The following CTIF variants were observed in gnomAD, a reference collection of about 807,000 sequenced individuals.
The protein encoded by CTIF is cap binding complex dependent translation initiation factor, also known as CBP80/20-dependent translation initiation factor.
CTIF carries 21 observed loss-of-function variants against 66.0 expected under a neutral mutation model. That is an observed-to-expected ratio of 0.32 (90% CI 0.23 to 0.46). The LOEUF (loss-of-function observed/expected upper bound fraction) is 0.46. Ranked by LOEUF, CTIF falls within the 20% of genes least tolerant of loss-of-function variation. CTIF has a pLI of 1.00. For synonymous variants in CTIF, 345 were observed against 326.4 expected (o/e 1.06, Z -0.62); for missense variants, 739 against 812.7 (o/e 0.91, Z 1.10).
intron 10 of CTIF, among the ~76,000 whole-genome samples, chr18:48,821,650 G>A (rs2068485370): frequency 6.6e-6 from 1 of 152,244 alleles, no homozygotes; most frequent in African/African-American, 2.4e-5. Context: ...TTTTCAATGT[G>A]TGCTTTTCTT....
chr18:48,622,507 C>T (rs1267581133), intron 2 of CTIF, among the ~76,000 whole-genome samples: 1 of 151,980 alleles, frequency 6.6e-6, no homozygotes, highest in African/African-American at 2.4e-5. Context: ...GAGAAAAGTC[C>T]TTGAGGAATG....
At chr18:48,584,955 G>C (rs1430999411) in intron 1 of CTIF, among the ~76,000 whole-genome samples, 1 of 152,208 alleles carries the variant, frequency 6.6e-6, no homozygotes, top group Non-Finnish European at 1.5e-5. Context: ...TCCAAGTAAA[G>C]GTGATTTCCA....
chr18:48,686,663 C>T (rs1286761549), intron 6 of CTIF, among the ~76,000 whole-genome samples: 1 of 152,138 alleles, frequency 6.6e-6, no homozygotes, highest in Non-Finnish European at 1.5e-5. Context: ...AGTGTAGTTT[C>T]CTGGCTATGT....
At chr18:48,609,646 A>G (rs1182555085) in intron 1 of CTIF, among the ~76,000 whole-genome samples, 5 of 152,126 alleles carry the variant, frequency 3.3e-5, no homozygotes, top group Non-Finnish European at 7.3e-5. Context: ...CATAAGCATG[A>G]TGTCACCCTA....
chr18:48,798,322 A>G (rs7229752), intron 9 of CTIF, among the ~76,000 whole-genome samples: 6,982 of 152,298 alleles, frequency 0.046, 510 homozygotes, highest in African/African-American at 0.16. Context: ...TGCTGCCATC[A>G]CAACTGAAGC....
At position 48,653,746 on chromosome 18, in the gene CTIF, C is replaced by T. The variant is rs191773028; in HGVS notation, c.253-10006C>T. Among the ~76,000 whole-genome samples, 80 of 152,306 alleles carry T rather than the reference C, an allele frequency of 5.3e-4. No homozygotes were observed. The South Asian group carries it at 7.9e-3, about 15-fold the overall frequency. On this transcript the variant is annotated intron_variant, in intron 3 of 11. Transcript: ENST00000256413. ...AACTATGCTGCAAGGCTACAGTAAC[C>T]AAAACAGCATTGCACTGGTACCAAA...
intron 1 of CTIF, among the ~76,000 whole-genome samples, chr18:48,616,818 C>A (rs2090408850): frequency 6.6e-6 from 1 of 152,162 alleles, no homozygotes; most frequent in South Asian, 2.1e-4. Flanking sequence ...GCCTTCTGTG[C>A]ATATAAGGAC....
intron 1 of CTIF, among the ~76,000 whole-genome samples, chr18:48,571,630 T>G (rs1377721710): frequency 6.6e-6 from 1 of 152,230 alleles, no homozygotes; most frequent in African/African-American, 2.4e-5. Flanking sequence ...CAGCACATAG[T>G]GATCCTCCTT....
Position 48,859,330 on chromosome 18 carries a change from ATC to A in CTIF, c.1582-10_1582-9del, listed in dbSNP as rs2069404145. 2 of 1,613,084 alleles carry A rather than the reference ATC, an allele frequency of 1.2e-6. No homozygotes were observed. Among genetic ancestry groups the A allele is most frequent in the Middle Eastern group, 1.7e-4 (1 of 5,992 alleles). On this transcript the variant is annotated splice_polypyrimidine_tract_variant and intron_variant, in intron 11 of 11. Coordinates refer to ENST00000256413, the MANE Select transcript of CTIF (RefSeq NM_014772.3). Reference sequence around the variant, plus strand: ...GGACCCGAGGCCATCCTAACCCCACATCTCTGTCTGCAGCTGCAGAGTACAGG... The same window carrying A: ...GGACCCGAGGCCATCCTAACCCCACATCTGTCTGCAGCTGCAGAGTACAGG...
chr18:48,694,940 A>T (rs1454189274), intron 6 of CTIF, among the ~76,000 whole-genome samples: 1 of 152,234 alleles, frequency 6.6e-6, no homozygotes, highest in African/African-American at 2.4e-5. Context: ...ATCTTTGTCC[A>T]TCTAATCTTT....
At chr18:48,673,705 C>T (rs768542423) in intron 6 of CTIF, 3 of 152,130 alleles carry the variant, frequency 2.0e-5, no homozygotes, top group African/African-American at 4.8e-5. Flanking sequence ...GCTGGAGGGT[C>T]GTGTTCTAGG....
intron 9 of CTIF, among the ~76,000 whole-genome samples, chr18:48,772,742 G>A (rs1349374678): frequency 1.3e-5 from 2 of 152,132 alleles, no homozygotes; most frequent in African/African-American, 4.8e-5. Context: ...CTGTCAATGG[G>A]CACTTGATTT....
intron 6 of CTIF, among the ~76,000 whole-genome samples, chr18:48,684,096 C>T (rs570348105): frequency 9.8e-5 from 15 of 152,302 alleles, no homozygotes; most frequent in African/African-American, 3.4e-4. Context: ...ACTTGCACCT[C>T]GCATGCTTTG....
intron 1 of CTIF, among the ~76,000 whole-genome samples, chr18:48,578,943 TG>T (rs1187414557): frequency 1.3e-5 from 2 of 152,248 alleles, no homozygotes; most frequent in Non-Finnish European, 2.9e-5. Context: ...AATTTACTTT[TG>T]TTTTCTTCTA....
chr18:48,674,893 G>T (rs2091598975), intron 6 of CTIF, among the ~76,000 whole-genome samples: 1 of 152,234 alleles, frequency 6.6e-6, no homozygotes, highest in Non-Finnish European at 1.5e-5. Context: ...CACACTGGTG[G>T]CTGGAGGGAA....
chr18:48,653,227 A>G (rs1368966733), intron 3 of CTIF, among the ~76,000 whole-genome samples: 1 of 152,086 alleles, frequency 6.6e-6, no homozygotes, highest in Non-Finnish European at 1.5e-5. Flanking sequence ...TACTTAGAAA[A>G]CCCCATCGTC....
intron 8 of CTIF, among the ~76,000 whole-genome samples, chr18:48,759,833 C>T (rs1908781804): frequency 6.6e-6 from 1 of 152,144 alleles, no homozygotes; most frequent in South Asian, 2.1e-4. Flanking sequence ...TCTATAGCAC[C>T]TATAGATCAG....
At chr18:48,846,353 A>C (rs2069071643) in intron 10 of CTIF, among the ~76,000 whole-genome samples, 1 of 152,236 alleles carries the variant, frequency 6.6e-6, no homozygotes, top group Non-Finnish European at 1.5e-5. Flanking sequence ...CCCCTACTAG[A>C]CTATAAATTA....
At chr18:48,719,026 G>A (rs2128257) in intron 7 of CTIF, among the ~76,000 whole-genome samples, 151,797 of 152,314 alleles carry the variant, frequency 1, 75,643 homozygotes, top group Middle Eastern at 1. Flanking sequence ...GGAGAGGTCT[G>A]CTTTCTTTTT....
Sources: allele counts gnomAD v4.1 joint callset (sites outside exome capture counted in the v4.1 genomes callset), GRCh38; gene constraint gnomAD v4.1.1; transcripts MANE v1.5; gene names NCBI Gene and HGNC (gene_info 2026-07-23, HGNC 2026-07-21).